The following EMSY variants were observed in gnomAD, a reference collection of about 807,000 sequenced individuals.
EMSY encodes the protein EMSY transcriptional repressor, BRCA2 interacting.
A neutral mutation model predicts 134.6 loss-of-function variants in EMSY; 26 were observed. The observed-to-expected ratio is 0.19, with a 90% CI of 0.14 to 0.27. EMSY has a LOEUF of 0.27. Among genes scored for constraint, EMSY ranks in the 10% least tolerant of loss-of-function variants. The pLI, the probability that EMSY is intolerant of heterozygous loss-of-function variation, is 1.00. For missense variants in EMSY, 1,305 were observed against 1,611.4 expected (o/e 0.81, Z 3.26); for synonymous variants, 579 against 577.8 (o/e 1.00, Z -0.03).
At chr11:76,543,663 C>G (rs185065408) in intron 18 of EMSY, among the ~76,000 whole-genome samples, 393 of 152,326 alleles carry the variant, frequency 2.6e-3, no homozygotes, top group African/African-American at 9.1e-3. Flanking sequence ...GTCCTGGGAG[C>G]CAGGGCTCTG....
intron 2 of EMSY, among the ~76,000 whole-genome samples, chr11:76,448,023 C>T (rs578191925): frequency 1.3e-4 from 20 of 152,108 alleles, no homozygotes; most frequent in South Asian, 4.2e-4. Context: ...CCCATGTGAC[C>T]AAGGACAAGT....
At chr11:76,508,299 T>C (rs1373939266) in intron 9 of EMSY, among the ~76,000 whole-genome samples, 4 of 152,130 alleles carry the variant, frequency 2.6e-5, no homozygotes, top group Non-Finnish European at 5.9e-5. Context: ...AGCTCTTGGG[T>C]GACTAGGTGC....
intron 9 of EMSY, among the ~76,000 whole-genome samples, chr11:76,510,457 GGTAA>G (rs1341161231): frequency 6.6e-6 from 1 of 152,220 alleles, no homozygotes; most frequent in Non-Finnish European, 1.5e-5. Flanking sequence ...TCTAGGGTGG[GGTAA>G]GTGACAGACT....
rs746491659 is a variant in EMSY at position 76,523,704 on chromosome 11, C to CTTTTTTT, written c.1821+428_1821+434dup. Among the ~76,000 whole-genome samples the CTTTTTTT allele has an allele frequency of 4.6e-3, 371 of 80,454 alleles. 8 individuals carry two copies. Among genetic ancestry groups the CTTTTTTT allele is most frequent in the African/African-American group, 0.015 (289 of 19,354 alleles). The allele number at this position is 80,454 out of a possible 152,430, so 52.8% of individuals were successfully genotyped here. A position where few individuals can be genotyped will look rare whatever the true frequency, so the allele number is the denominator to read the frequency against. On this transcript the variant is annotated intron_variant, in intron 12 of 20. Coordinates refer to ENST00000334736, the Ensembl canonical transcript of EMSY. ...TTAATTGATGGGGATTTGTTACTTT[C>CTTTTTTT]TTTTTTTTTTTTTTTTTTTTTCATT...
At chr11:76,461,447 TGTTAA>T (rs1471257027) in intron 6 of EMSY, among the ~76,000 whole-genome samples, 4 of 152,246 alleles carry the variant, frequency 2.6e-5, no homozygotes, top group African/African-American at 7.2e-5. Flanking sequence ...AGATTTTCTA[TGTTAA>T]GTTGCTGTGT....
rs1460610516 is a variant in EMSY at position 76,537,776 on chromosome 11, C to A, written c.2360-19C>A. ...TGTTTGTAATAAAAGTTAACTTTTC[C>A]CCTGACTTTTTTATGCAGTAAAGGA... On this transcript the variant is annotated intron_variant, in intron 15 of 20. Transcript: ENST00000334736. 6.3e-7 allele frequency: 1 copy of A among 1,577,962 alleles called. No individual in the cohort carries two copies.
intron 9 of EMSY, among the ~76,000 whole-genome samples, chr11:76,503,945 C>A (rs913195516): frequency 3.3e-5 from 5 of 151,528 alleles, no homozygotes; most frequent in Non-Finnish European, 7.4e-5. Flanking sequence ...CCATCACGCC[C>A]GGCTAATTTT....
intron 8 of EMSY, among the ~76,000 whole-genome samples, chr11:76,489,141 A>T (rs1488181582): frequency 2.6e-5 from 4 of 152,246 alleles, no homozygotes; most frequent in African/African-American, 9.6e-5. Flanking sequence ...GAAAGACAAC[A>T]GATTCTATTA....
chr11:76,509,275 C>T (rs545648605), intron 9 of EMSY, among the ~76,000 whole-genome samples: 96 of 151,734 alleles, frequency 6.3e-4, no homozygotes, highest in Admixed American at 1.2e-3. Flanking sequence ...TGCAGATCAC[C>T]GGAGGTCAGG....
At position 76,452,245 on chromosome 11, in the gene EMSY, AGGT is replaced by A. The variant is rs745598165; in HGVS notation, c.170+290_170+292del. Among the ~76,000 whole-genome samples, 36 of 152,212 alleles carry A rather than the reference AGGT, an allele frequency of 2.4e-4. 1 individual carries two copies. Among genetic ancestry groups the A allele is most frequent in the African/African-American group, 2.4e-5 (1 of 41,456 alleles). The stretch of plus-strand genomic sequence containing the variant: ...TACTTTTAGCCCACCTGGATAAGGG[AGGT>A]GCTTTTGACATAGGTGAAGGAAAGA... On this transcript the variant is annotated intron_variant, in intron 3 of 20. Coordinates refer to ENST00000334736, the Ensembl canonical transcript of EMSY.
At chr11:76,498,860 C>T (rs1346147691) in intron 9 of EMSY, among the ~76,000 whole-genome samples, 1 of 152,082 alleles carries the variant, frequency 6.6e-6, no homozygotes, top group Non-Finnish European at 1.5e-5. Context: ...GTATTTTTTT[C>T]TCATCCTGTT....
At chr11:76,472,351 T>C (rs1948606558) in intron 7 of EMSY, among the ~76,000 whole-genome samples, 1 of 152,240 alleles carries the variant, frequency 6.6e-6, no homozygotes, top group Non-Finnish European at 1.5e-5. Context: ...TGTTATCTTT[T>C]AAAATATTTG....
chr11:76,446,844 C>G, intron 1 of EMSY, 56 bp from the exon 2 acceptor site: 1 of 1,126,802 alleles, frequency 8.9e-7, no homozygotes, highest in Non-Finnish European at 1.3e-6. Flanking sequence ...GGTGAGTGGC[C>G]CCTTGAATGT....
chr11:76,468,341 C>G (rs1318118759), intron 7 of EMSY, among the ~76,000 whole-genome samples: 1 of 152,052 alleles, frequency 6.6e-6, no homozygotes, highest in East Asian at 1.9e-4. Context: ...ATGTTTAAAA[C>G]AAATTAAATT....
At chr11:76,511,069 C>T (rs964927683) in intron 9 of EMSY, among the ~76,000 whole-genome samples, 6 of 152,070 alleles carry the variant, frequency 3.9e-5, no homozygotes, top group African/African-American at 7.2e-5. Context: ...GAGCCGATGC[C>T]GCCGTGCCAG....
intron 7 of EMSY, among the ~76,000 whole-genome samples, 196 bp downstream of exon 8, chr11:76,464,276 C>T (rs753673577): frequency 4.6e-5 from 7 of 152,078 alleles, no homozygotes; most frequent in Admixed American, 6.6e-5. Context: ...TGAGGCTTTG[C>T]GATGTTAAAT....
chr11:76,452,854 G>A (rs1485827886), intron 3 of EMSY, among the ~76,000 whole-genome samples: 2 of 152,048 alleles, frequency 1.3e-5, no homozygotes, highest in Admixed American at 1.3e-4. Flanking sequence ...CACTCCATTT[G>A]TTTATTATAT....
intron 9 of EMSY, among the ~76,000 whole-genome samples, chr11:76,499,410 C>T (rs1590904064): frequency 1.3e-5 from 2 of 150,880 alleles, no homozygotes; most frequent in South Asian, 4.2e-4. Flanking sequence ...GCCTCAGCCT[C>T]CCAAGTAGAT....
intron 8 of EMSY, among the ~76,000 whole-genome samples, chr11:76,478,714 G>T: frequency 6.6e-6 from 1 of 151,294 alleles, no homozygotes; most frequent in Admixed American, 6.6e-5. Flanking sequence ...TTCATATATC[G>T]TTGCTTCGTT....
Sources: gnomAD v4.1 joint callset for allele counts (sites outside exome capture counted in the v4.1 genomes callset) on GRCh38, gnomAD v4.1.1 for gene constraint, MANE v1.5 for transcripts, NCBI Gene and HGNC (gene_info 2026-07-23, HGNC 2026-07-21) for gene names.